The following TSPAN15 variants were observed in gnomAD, a reference collection of about 807,000 sequenced individuals.
TSPAN15 encodes the protein tetraspanin 15.
In TSPAN15, 20 loss-of-function variants were observed where a neutral mutation model predicts 34.5. The observed-to-expected ratio is 0.58, with a 90% confidence interval of 0.41 to 0.84. The LOEUF (loss-of-function observed/expected upper bound fraction) is 0.84. TSPAN15 is among the 40% of genes least tolerant of loss of function. The pLI, the probability that TSPAN15 is intolerant of heterozygous loss-of-function variation, is 0.00. For missense variants in TSPAN15, 313 were observed against 386.1 expected (o/e 0.81, Z 1.59); for synonymous variants, 155 against 153.9 (o/e 1.01, Z -0.05).
the TSPAN15 span, among the ~76,000 whole-genome samples, chr10:69,538,147 A>C: frequency 6.6e-6 from 1 of 152,208 alleles, no homozygotes; most frequent in African/African-American, 2.4e-5. Context: ...CCCATCACCA[A>C]ATACCATCAC....
chr10:69,496,283 C>T (rs1842079081), intron 4 of TSPAN15, among the ~76,000 whole-genome samples: 1 of 150,558 alleles, frequency 6.6e-6, no homozygotes, highest in African/African-American at 2.4e-5. Flanking sequence ...TTTGGGACAC[C>T]ATCTCTCCCC....
At position 69,507,371 on chromosome 10, in the gene TSPAN15, C is replaced by T. The variant is rs766824241; in HGVS notation, c.*393C>T. 61 of 1,212,450 alleles carry T rather than the reference C, an allele frequency of 5.0e-5. No homozygotes were observed. The highest frequency in any genetic ancestry group is 6.4e-5 in the African/African-American group (4 of 62,954). 75.1% of individuals were successfully genotyped at this position (1,212,450 alleles called of 1,614,324 possible). On this transcript the variant is annotated 3_prime_UTR_variant, in exon 8 of 8. Transcript: ENST00000373290. Reference sequence around the variant, plus strand: ...AATTGGGGAGAGGGAGTGTGCCCCTCGGGGCAGGAGGGAAGGGCATCTGGG... The same window carrying T: ...AATTGGGGAGAGGGAGTGTGCCCCTTGGGGCAGGAGGGAAGGGCATCTGGG...
chr10:69,510,587 C>T (rs1445417578), downstream of TSPAN15, among the ~76,000 whole-genome samples: 1 of 152,210 alleles, frequency 6.6e-6, no homozygotes, highest in Non-Finnish European at 1.5e-5. Flanking sequence ...TGCCTGATTG[C>T]CCTGGCCAGA....
intron 1 of TSPAN15, among the ~76,000 whole-genome samples, chr10:69,482,665 T>A (rs1841758992): frequency 6.8e-6 from 1 of 146,394 alleles, no homozygotes; most frequent in Admixed American, 7.0e-5. Context: ...CAGAAATGAA[T>A]GTCTTCAAGT....
the TSPAN15 span, among the ~76,000 whole-genome samples, chr10:69,526,174 T>C: frequency 1.4e-5 from 2 of 147,408 alleles, no homozygotes; most frequent in Admixed American, 7.0e-5. Flanking sequence ...GAATTATAGG[T>C]GAGTATAATG....
chr10:69,538,957 G>A, the TSPAN15 span, among the ~76,000 whole-genome samples: 1 of 148,300 alleles, frequency 6.7e-6, no homozygotes, highest in Non-Finnish European at 1.5e-5. Context: ...AGAAGGGACA[G>A]AGAGATTCCA....
At chr10:69,497,600 G>A (rs1347596995) in intron 4 of TSPAN15, among the ~76,000 whole-genome samples, 1 of 152,078 alleles carries the variant, frequency 6.6e-6, no homozygotes, top group Non-Finnish European at 1.5e-5. Context: ...TTTCCATCCA[G>A]TGCTCACTCT....
At chr10:69,479,905 T>C (rs1453057506) in intron 1 of TSPAN15, among the ~76,000 whole-genome samples, 1 of 152,052 alleles carries the variant, frequency 6.6e-6, no homozygotes, top group East Asian at 1.9e-4. Flanking sequence ...CCAGGAGAAA[T>C]AGGGCCTAGG....
intron 1 of TSPAN15, among the ~76,000 whole-genome samples, chr10:69,483,181 G>A (rs544443202): frequency 1.2e-3 from 183 of 152,142 alleles, no homozygotes; most frequent in South Asian, 3.5e-3. Context: ...GTAGAGACAG[G>A]GTTTCACAGT....
At position 69,506,178 on chromosome 10, in the gene TSPAN15, A is replaced by G. The variant is rs199841264; in HGVS notation, c.673A>G (p.Ile225Val). Residue 225 changes from isoleucine (I) to valine (V), a missense_variant, in exon 7 of 8, where the codon ATC (isoleucine) becomes GTC (valine). Transcript: ENST00000373290. The surrounding 1 kb of genome is among the most constrained non-coding windows in gnomAD (Gnocchi z 4.7). Reference protein sequence around the residue: ...YVRGCTNAVIIWFMDNYTIMA... With the variant: ...YVRGCTNAVIVWFMDNYTIMA... ...GCGGGGCTGCACCAACGCCGTGATC[A>G]TCTGGTTCATGGACAACTACACCAT... is the stretch of plus-strand genomic sequence containing the variant. 3.9e-4 allele frequency: 632 copies of G among 1,614,192 alleles called. 4 individuals carry two copies. Among genetic ancestry groups the G allele is most frequent in the Non-Finnish European group, 1.1e-5 (13 of 1,180,034 alleles).
chr10:69,539,498 A>G, the TSPAN15 span, among the ~76,000 whole-genome samples: 6 of 76,606 alleles, frequency 7.8e-5, no homozygotes, highest in Admixed American at 1.3e-4. Flanking sequence ...AAGAAGAAGA[A>G]GAAGAAGAAG....
the TSPAN15 span, among the ~76,000 whole-genome samples, chr10:69,520,406 A>G: frequency 6.6e-6 from 1 of 152,212 alleles, no homozygotes; most frequent in Non-Finnish European, 1.5e-5. Context: ...TCACACCTGT[A>G]ATCTCAGCAC....
At chr10:69,479,710 A>G (rs1841692124) in intron 1 of TSPAN15, among the ~76,000 whole-genome samples, 1 of 152,210 alleles carries the variant, frequency 6.6e-6, no homozygotes, top group African/African-American at 2.4e-5. Context: ...ATGTCATCAG[A>G]GATGTAAATA....
At chr10:69,541,272 A>T in the TSPAN15 span, among the ~76,000 whole-genome samples, 1 of 152,172 alleles carries the variant, frequency 6.6e-6, no homozygotes, top group Non-Finnish European at 1.5e-5. Flanking sequence ...GCAGACCAAG[A>T]GAGGCCAGGA....
chr10:69,511,252 G>A (rs1332344495), downstream of TSPAN15, among the ~76,000 whole-genome samples: 1 of 152,152 alleles, frequency 6.6e-6, no homozygotes, highest in African/African-American at 2.4e-5. Flanking sequence ...CTCAATTTCA[G>A]AACTTGTTAT....
At chr10:69,472,990 T>A (rs1314717105) in intron 1 of TSPAN15, among the ~76,000 whole-genome samples, 2 of 152,224 alleles carry the variant, frequency 1.3e-5, no homozygotes, top group Non-Finnish European at 2.9e-5. Context: ...CCATGTCCTG[T>A]ATGCTGTCCA....
the TSPAN15 span, among the ~76,000 whole-genome samples, chr10:69,532,724 T>G: frequency 2.6e-5 from 4 of 152,184 alleles, no homozygotes; most frequent in Non-Finnish European, 4.4e-5. Context: ...AAAGGAACAG[T>G]CAGCAGAGTA....
At chr10:69,481,382 A>G (rs1371880355) in intron 1 of TSPAN15, among the ~76,000 whole-genome samples, 1 of 152,228 alleles carries the variant, frequency 6.6e-6, no homozygotes. Context: ...CTTGAAACAT[A>G]GCAGAGTACT....
chr10:69,493,619 C>T (rs1432399338), intron 3 of TSPAN15, among the ~76,000 whole-genome samples: 1 of 152,088 alleles, frequency 6.6e-6, no homozygotes, highest in Non-Finnish European at 1.5e-5. Context: ...ACTACAGGCG[C>T]ACGCTGCCAC....
Sources: allele counts gnomAD v4.1 joint callset (sites outside exome capture counted in the v4.1 genomes callset), GRCh38; gene constraint gnomAD v4.1.1; non-coding constraint Gnocchi (gnomAD v3.1); transcripts MANE v1.5; gene names NCBI Gene and HGNC (gene_info 2026-07-23, HGNC 2026-07-21).